Variants in ANKRD44 observed in about 807,000 individuals in gnomAD.
ANKRD44 encodes serine/threonine-protein phosphatase 6 regulatory ankyrin repeat subunit B.
A neutral mutation model predicts 116.0 loss-of-function variants in ANKRD44; 35 were observed. The ratio of observed to expected loss-of-function variants is 0.30; its 90% CI spans 0.23 to 0.40. ANKRD44 has a LOEUF of 0.40. Among genes scored for constraint, ANKRD44 ranks in the 10% least tolerant of loss-of-function variants. ANKRD44 has a pLI of 1.00. For missense variants in ANKRD44, 1,014 were observed against 1,242.6 expected, an observed-to-expected ratio of 0.82 and a Z score of 2.77; for synonymous variants, 435 against 461.8, an observed-to-expected ratio of 0.94 and a Z score of 0.74.
At chr2:197,069,828 A>G (rs2077521718) in intron 16 of ANKRD44, among the ~76,000 whole-genome samples, 1 of 152,028 alleles carries the variant, frequency 6.6e-6, no homozygotes, top group African/African-American at 2.4e-5. Context: ...TGTTAAACCT[A>G]CAGATTAATT....
At chr2:197,075,856 G>A (rs2077654363) in intron 16 of ANKRD44, among the ~76,000 whole-genome samples, 1 of 152,116 alleles carries the variant, frequency 6.6e-6, no homozygotes, top group African/African-American at 2.4e-5. Flanking sequence ...CAGAGTCAAA[G>A]AAAATATACA....
intron 1 of ANKRD44, among the ~76,000 whole-genome samples, chr2:197,288,019 C>CAAAAAAAAAAAAAAAAAA (rs10666895): frequency 3.7e-5 from 3 of 81,760 alleles, no homozygotes; most frequent in Non-Finnish European, 6.9e-5. Context: ...GACTCAGTCT[C>CAAAAAAAAAAAAAAAAAA]AAAAAAAAAA....
At position 197,191,711 on chromosome 2, in the gene ANKRD44, A is replaced by G. The variant is rs2080828415; in HGVS notation, c.28-4605T>C. Among the ~76,000 whole-genome samples, 3 of 152,190 alleles carry G rather than the reference A, an allele frequency of 2.0e-5. No homozygotes were observed. The South Asian group carries it at 6.2e-4, about 31-fold the overall frequency. On this transcript the variant is annotated intron_variant, in intron 1 of 27. Transcript: ENST00000282272. ...GATGTGTAATTAAGGAAGTAAGGTAATTGAAAAATCCACTTCATTAAAAAC... is the reference window on the plus strand; with the variant it reads ...GATGTGTAATTAAGGAAGTAAGGTAGTTGAAAAATCCACTTCATTAAAAAC...
chr2:197,061,783 C>CTTT (rs3031992), intron 16 of ANKRD44, among the ~76,000 whole-genome samples: 100,758 of 143,594 alleles, frequency 0.7, 36,927 homozygotes, highest in East Asian at 0.84. Flanking sequence ...ATATCCATGC[C>CTTT]TTTTTTTTTT....
chr2:197,123,157 C>A (rs568018933), intron 6 of ANKRD44, among the ~76,000 whole-genome samples: 1 of 152,188 alleles, frequency 6.6e-6, no homozygotes, highest in East Asian at 1.9e-4. Flanking sequence ...AATTGCCATT[C>A]CTCACTGAAA....
chr2:197,084,588 G>C (rs2077877046), intron 13 of ANKRD44, among the ~76,000 whole-genome samples: 1 of 152,022 alleles, frequency 6.6e-6, no homozygotes, highest in Admixed American at 6.6e-5. Flanking sequence ...TGTGCAAGCT[G>C]GCCTAAATCA....
chr2:197,160,173 C>CT (rs61477501), intron 2 of ANKRD44, among the ~76,000 whole-genome samples: 1,659 of 152,236 alleles, frequency 0.011, 31 homozygotes, highest in African/African-American at 0.037. Context: ...AGCTGTGTGA[C>CT]TTTGAGTAAA....
intron 2 of ANKRD44, among the ~76,000 whole-genome samples, chr2:197,153,721 T>C (rs1315215810): frequency 6.6e-6 from 1 of 152,244 alleles, no homozygotes; most frequent in Non-Finnish European, 1.5e-5. Context: ...AACATTTTTC[T>C]ATGTCTCCTT....
In ANKRD44 at chr2:197,125,950, T is replaced by C; in HGVS notation, c.349A>G (p.Asn117Asp). 1 of 1,614,260 alleles carries C rather than the reference T, an allele frequency of 6.2e-7. No homozygotes were observed. The highest frequency in any genetic ancestry group is 8.5e-7 in the Non-Finnish European group (1 of 1,180,050). Residue 117 changes from asparagine to aspartate, a missense_variant, in exon 5 of 28, where the codon AAC becomes GAC. By Grantham distance (23) the Asn-to-Asp change is conservative (BLOSUM62 1). Coordinates refer to ENST00000282272, the MANE Select transcript of ANKRD44 (RefSeq NM_001195144.2). ...WQTPLHVAAANKAVKCAEVII... is the reference protein window; with the variant it reads ...WQTPLHVAAADKAVKCAEVII... ...ACTTCTGCACATTTGACAGCCTTGTTGGCTGCTGCCACATGAAGAGGGGTC... is the reference window on the plus strand; with the variant it reads ...ACTTCTGCACATTTGACAGCCTTGTCGGCTGCTGCCACATGAAGAGGGGTC...
intron 25 of ANKRD44, 64 bp from the exon 26 acceptor site, chr2:196,995,525 T>C: frequency 1.7e-6 from 2 of 1,206,888 alleles, no homozygotes; most frequent in East Asian, 4.7e-5. Flanking sequence ...CTGAGAAATT[T>C]CTTCATTATG....
In ANKRD44 at chr2:197,077,113, A is replaced by T. The variant is rs192404987; in HGVS notation, c.1650+1590T>A. On this transcript the variant is annotated intron_variant, in intron 16 of 27. Transcript: ENST00000282272. The stretch of plus-strand genomic sequence containing the variant: ...TTCCACAATGGTTAAACTAATTTAC[A>T]CTCCCACCAACAATGTATAAACATT... 3.2e-4 allele frequency among the ~76,000 whole-genome samples: 48 copies of T among 152,102 alleles called. 1 individual carries two copies. In the East Asian group the frequency reaches 7.6e-3, roughly 24 times the overall value.
At chr2:197,206,914 A>G (rs528530271) in intron 1 of ANKRD44, among the ~76,000 whole-genome samples, 2 of 152,306 alleles carry the variant, frequency 1.3e-5, no homozygotes, top group South Asian at 4.1e-4. Context: ...CATACATAAC[A>G]GTGTCAATCA....
chr2:197,241,183 T>C (rs1226662056), intron 1 of ANKRD44, among the ~76,000 whole-genome samples: 1 of 152,140 alleles, frequency 6.6e-6, no homozygotes, highest in Non-Finnish European at 1.5e-5. Context: ...CCAGAAAAGC[T>C]AACATCTTAA....
At chr2:197,284,378 T>C (rs1241293038) in intron 1 of ANKRD44, among the ~76,000 whole-genome samples, 1 of 152,084 alleles carries the variant, frequency 6.6e-6, no homozygotes, top group Non-Finnish European at 1.5e-5. Context: ...TGGAGGCCTT[T>C]TCCCAATTCT....
chr2:197,197,421 T>C (rs1050058548), intron 1 of ANKRD44, among the ~76,000 whole-genome samples: 2 of 152,210 alleles, frequency 1.3e-5, no homozygotes, highest in African/African-American at 2.4e-5. Context: ...GGATAAAAGA[T>C]ATGTTTTCTA....
intron 1 of ANKRD44, among the ~76,000 whole-genome samples, chr2:197,221,330 T>G (rs2081580929): frequency 6.6e-6 from 1 of 151,804 alleles, no homozygotes. Context: ...CAGGCTTGAG[T>G]GCAGTGGAGT....
chr2:197,224,219 T>C (rs2081648868), intron 1 of ANKRD44, among the ~76,000 whole-genome samples: 1 of 152,156 alleles, frequency 6.6e-6, no homozygotes, highest in Non-Finnish European at 1.5e-5. Flanking sequence ...TGGCTCAAAT[T>C]GTGACCATAG....
intron 2 of ANKRD44, among the ~76,000 whole-genome samples, chr2:197,153,225 CAAAAAAAAA>C (rs75600123): frequency 7.6e-4 from 53 of 69,338 alleles, no homozygotes; most frequent in East Asian, 4.1e-3. Context: ...AAGACCCTGC[CAAAAAAAAA>C]AAAAAAAAAA....
intron 13 of ANKRD44, among the ~76,000 whole-genome samples, chr2:197,085,432 C>T (rs1193105685): frequency 6.6e-6 from 1 of 152,146 alleles, no homozygotes; most frequent in African/African-American, 2.4e-5. Context: ...TACTGGGCTG[C>T]ATTCCCAGAT....
Sources: allele counts gnomAD v4.1 joint callset (sites outside exome capture counted in the v4.1 genomes callset), GRCh38; gene constraint gnomAD v4.1.1; transcripts MANE v1.5; gene names NCBI Gene and HGNC (gene_info 2026-07-23, HGNC 2026-07-21).